SORCS1: variants seen among roughly 807,000 people sequenced by gnomAD.
SORCS1 encodes sortilin related VPS10 domain containing receptor 1.
SORCS1 carries 60 observed loss-of-function variants against 146.1 expected under a neutral mutation model. The ratio of observed to expected loss-of-function variants is 0.41; its 90% CI spans 0.33 to 0.51. SORCS1 has a LOEUF of 0.51. Among genes scored for constraint, SORCS1 ranks in the 20% least tolerant of loss-of-function variants. The pLI, the probability that SORCS1 is intolerant of heterozygous loss-of-function variation, is 0.21. For synonymous variants in SORCS1, 637 were observed against 584.0 expected, an observed-to-expected ratio of 1.09 and a Z score of -1.31; for missense variants, 1,352 against 1,487.6, an observed-to-expected ratio of 0.91 and a Z score of 1.50.
chr10:107,000,183 CAG>C (rs952886575), intron 1 of SORCS1, among the ~76,000 whole-genome samples: 40 of 152,328 alleles, frequency 2.6e-4, no homozygotes, highest in Middle Eastern at 3.4e-3. Context: ...CTGTAAAAAA[CAG>C]AGAGAAGTTT....
At chr10:107,000,615 A>C (rs1344318963) in intron 1 of SORCS1, among the ~76,000 whole-genome samples, 2 of 151,376 alleles carry the variant, frequency 1.3e-5, no homozygotes, top group African/African-American at 4.9e-5. Flanking sequence ...CAAAAAAAAA[A>C]AAAAAAAGTC....
At chr10:106,912,248 C>A (rs1466919199) in intron 2 of SORCS1, among the ~76,000 whole-genome samples, 1 of 152,104 alleles carries the variant, frequency 6.6e-6, no homozygotes, top group African/African-American at 2.4e-5. Context: ...AGAATGAAAT[C>A]CAATTATTGT....
At chr10:107,005,690 A>G (rs1173436731) in intron 1 of SORCS1, among the ~76,000 whole-genome samples, 1 of 152,154 alleles carries the variant, frequency 6.6e-6, no homozygotes, top group African/African-American at 2.4e-5. Context: ...ATTTTCCACA[A>G]TAAGATTATT....
intron 4 of SORCS1, among the ~76,000 whole-genome samples, chr10:106,769,083 C>A (rs908192339): frequency 6.6e-6 from 1 of 152,138 alleles, no homozygotes; most frequent in East Asian, 1.9e-4. Context: ...ATTTTGAAAG[C>A]GCTGGCATCT....
the SORCS1 span, among the ~76,000 whole-genome samples, chr10:107,179,112 C>T: frequency 1.3e-5 from 2 of 152,152 alleles, no homozygotes; most frequent in African/African-American, 4.8e-5. Context: ...TCTCTGCATC[C>T]TCAACAGCAT....
At chr10:106,816,797 C>T in intron 3 of SORCS1, among the ~76,000 whole-genome samples, 1 of 152,032 alleles carries the variant, frequency 6.6e-6, no homozygotes, top group East Asian at 1.9e-4. Context: ...TGCATCCCAC[C>T]AGTTGCAATG....
In SORCS1 at chr10:107,129,483, C is replaced by T. The variant is rs569873145; in HGVS notation, c.558+34486G>A. Among the ~76,000 whole-genome samples, 9 of 152,304 alleles carry T rather than the reference C, an allele frequency of 5.9e-5. No homozygotes were observed. In the South Asian group the frequency reaches 1.9e-3, roughly 32 times the overall value. ...AACTCTGTTGTTATCAAAGGCTGCA[C>T]ATGAGCCTGAACAATAACATAATTG... is the stretch of plus-strand genomic sequence containing the variant. On this transcript the variant is annotated intron_variant, in intron 1 of 25. Transcript: ENST00000263054.
intron 6 of SORCS1, among the ~76,000 whole-genome samples, chr10:106,717,499 T>C (rs1447930334): frequency 5.9e-5 from 9 of 152,212 alleles, no homozygotes; most frequent in South Asian, 4.1e-4. Flanking sequence ...ATGAGTGTGA[T>C]TTAGCATTGC....
chr10:106,733,492 A>C (rs1290393343), intron 5 of SORCS1, among the ~76,000 whole-genome samples: 1 of 152,220 alleles, frequency 6.6e-6, no homozygotes, highest in Admixed American at 6.5e-5. Flanking sequence ...CATTGACCAG[A>C]TACCTTAGAA....
chr10:106,849,940 C>T (rs112902483), intron 2 of SORCS1, among the ~76,000 whole-genome samples: 41,550 of 151,882 alleles, frequency 0.27, 6,810 homozygotes, highest in Non-Finnish European at 0.37. Context: ...GCAGTCTGCC[C>T]GTTCTCAGAT....
intron 1 of SORCS1, among the ~76,000 whole-genome samples, chr10:107,090,370 G>C (rs1189328792): frequency 6.6e-6 from 1 of 152,170 alleles, no homozygotes; most frequent in African/African-American, 2.4e-5. Flanking sequence ...TTTCCCTTAT[G>C]TGACTAATCA....
At chr10:106,789,193 A>G (rs1242333732) in intron 3 of SORCS1, among the ~76,000 whole-genome samples, 1 of 152,158 alleles carries the variant, frequency 6.6e-6, no homozygotes, top group Non-Finnish European at 1.5e-5. Flanking sequence ...CCCGGCCCAC[A>G]AAACCATTTT....
intron 2 of SORCS1, among the ~76,000 whole-genome samples, chr10:106,946,566 C>T (rs1954355683): frequency 6.6e-6 from 1 of 152,240 alleles, no homozygotes; most frequent in Non-Finnish European, 1.5e-5. Flanking sequence ...TCATTTTACA[C>T]CATGACTGTG....
intron 24 of SORCS1, among the ~76,000 whole-genome samples, chr10:106,580,495 G>T (rs1844839016): frequency 6.6e-6 from 1 of 152,164 alleles, no homozygotes; most frequent in Non-Finnish European, 1.5e-5. Flanking sequence ...TTGACATTTT[G>T]CAAATGTAGT....
chr10:106,799,704 T>C (rs973651921), intron 3 of SORCS1, among the ~76,000 whole-genome samples: 48 of 152,134 alleles, frequency 3.2e-4, no homozygotes, highest in African/African-American at 1.1e-3. Flanking sequence ...CCAGTTAGAA[T>C]GGTGATCATT....
At chr10:106,796,102 T>C (rs1480772762) in intron 3 of SORCS1, among the ~76,000 whole-genome samples, 1 of 152,232 alleles carries the variant, frequency 6.6e-6, no homozygotes, top group Non-Finnish European at 1.5e-5. Context: ...CATTAATTGA[T>C]CTTCCTGTGG....
chr10:107,005,809 T>C (rs926287614), intron 1 of SORCS1, among the ~76,000 whole-genome samples: 1 of 152,246 alleles, frequency 6.6e-6, no homozygotes, highest in African/African-American at 2.4e-5. Flanking sequence ...ATATTAAAAT[T>C]ATATGAAGAT....
At chr10:107,082,498 G>A (rs1186305826) in intron 1 of SORCS1, among the ~76,000 whole-genome samples, 1 of 151,116 alleles carries the variant, frequency 6.6e-6, no homozygotes, top group African/African-American at 2.4e-5. Flanking sequence ...TTTTTTTAGA[G>A]ACAGAGTCAC....
chr10:106,854,651 T>C (rs1949715186), intron 2 of SORCS1, among the ~76,000 whole-genome samples: 1 of 152,076 alleles, frequency 6.6e-6, no homozygotes, highest in Non-Finnish European at 1.5e-5. Flanking sequence ...GTACTTGCTG[T>C]AGAGTTTGCA....
Sources: allele counts gnomAD v4.1 joint callset (sites outside exome capture counted in the v4.1 genomes callset), GRCh38; gene constraint gnomAD v4.1.1; transcripts MANE v1.5; gene names NCBI Gene and HGNC (gene_info 2026-07-23, HGNC 2026-07-21).